ANO10: variants seen among roughly 807,000 people sequenced by gnomAD.
ANO10 encodes the protein anoctamin-10.
ANO10 carries 77 observed loss-of-function variants against 74.7 expected under a neutral mutation model. The ratio of observed to expected loss-of-function variants is 1.03; its 90% CI spans 0.86 to 1.25. ANO10 has a LOEUF of 1.25. Among genes scored for constraint, ANO10 ranks in the 50% most tolerant of loss-of-function variants. The probability of loss-of-function intolerance (pLI) is 0.00; values close to 1 mark genes in which losing one functional copy is unlikely to be tolerated. For synonymous variants in ANO10, 279 were observed against 284.9 expected, an observed-to-expected ratio of 0.98 and a Z score of 0.21; for missense variants, 721 against 778.1, an observed-to-expected ratio of 0.93 and a Z score of 0.87.
intron 9 of ANO10, among the ~76,000 whole-genome samples, chr3:43,558,553 G>A (rs897736645): frequency 6.6e-6 from 1 of 152,174 alleles, no homozygotes; most frequent in Non-Finnish European, 1.5e-5. Context: ...GTTTTCTACA[G>A]GGAGTGAGAA....
intron 4 of ANO10, among the ~76,000 whole-genome samples, chr3:43,590,158 T>C (rs1415849188): frequency 6.6e-6 from 1 of 152,240 alleles, no homozygotes; most frequent in African/African-American, 2.4e-5. Flanking sequence ...TCCTGCCATA[T>C]GTTATACAAA....
chr3:43,587,414 A>T (rs1383302351), intron 4 of ANO10, among the ~76,000 whole-genome samples: 1 of 152,136 alleles, frequency 6.6e-6, no homozygotes, highest in Non-Finnish European at 1.5e-5. Flanking sequence ...GGGAGTCCAT[A>T]TGGTGTAGGA....
intron 11 of ANO10, among the ~76,000 whole-genome samples, chr3:43,482,842 TG>T (rs1339959524): frequency 6.6e-6 from 1 of 152,076 alleles, no homozygotes; most frequent in Non-Finnish European, 1.5e-5. Context: ...TGCTCACCAC[TG>T]GGCAGGGTAC....
chr3:43,463,106 CCACA>C (rs2075456617), intron 11 of ANO10, among the ~76,000 whole-genome samples: 1 of 152,184 alleles, frequency 6.6e-6, no homozygotes, highest in African/African-American at 2.4e-5. Context: ...GTCAGAGCCC[CCACA>C]CAGAGTCTCT....
At chr3:43,480,621 G>T (rs1165366597) in intron 11 of ANO10, among the ~76,000 whole-genome samples, 2 of 152,152 alleles carry the variant, frequency 1.3e-5, no homozygotes, top group Non-Finnish European at 2.9e-5. Context: ...AAAGGAGGGG[G>T]TTACAAGAAA....
intron 12 of ANO10, among the ~76,000 whole-genome samples, chr3:43,391,209 G>A (rs1178273893): frequency 6.6e-6 from 1 of 152,168 alleles, no homozygotes; most frequent in African/African-American, 2.4e-5. Flanking sequence ...GAAAGGTGAA[G>A]TGATAATCAG....
intron 11 of ANO10, among the ~76,000 whole-genome samples, chr3:43,480,691 C>G (rs1051748444): frequency 4.6e-5 from 7 of 152,138 alleles, no homozygotes; most frequent in African/African-American, 1.7e-4. Context: ...GGACAGAAAC[C>G]CTGCAGCCAG....
At chr3:43,430,337 G>A (rs185575643) in intron 12 of ANO10, among the ~76,000 whole-genome samples, 127 of 148,104 alleles carry the variant, frequency 8.6e-4, no homozygotes, top group African/African-American at 2.9e-3. Flanking sequence ...TGATTTTTGG[G>A]TTTTGTGTCT....
chr3:43,577,104 G>A lies in ANO10; in HGVS notation c.750C>T (p.Asn250=), dbSNP rs757113016. The part of the protein sequence containing the change: ...YDKYVIFASF[N]LIWSTVILEL... ...CCAGAATCACCGTGGACCAGATGAGGTTGAACGAGGCAAAGATCACGTACT... is the reference window on the plus strand; with the variant it reads ...CCAGAATCACCGTGGACCAGATGAGATTGAACGAGGCAAAGATCACGTACT... Residue 250 remains asparagine (N), a synonymous_variant, in exon 6 of 13, where the codon AAC becomes AAT. Transcript: ENST00000292246. 3 of 1,614,188 alleles carry A rather than the reference G, an allele frequency of 1.9e-6. No homozygotes were observed. In the Admixed American group the frequency reaches 5.0e-5, roughly 27 times the overall value.
chr3:43,428,060 T>G (rs1211120632), intron 12 of ANO10, among the ~76,000 whole-genome samples: 1 of 151,838 alleles, frequency 6.6e-6, no homozygotes, highest in Non-Finnish European at 1.5e-5. Flanking sequence ...CTGAACCTTT[T>G]TTTTTTTGAG....
At chr3:43,522,345 C>A (rs571660878) in intron 11 of ANO10, among the ~76,000 whole-genome samples, 59 of 151,678 alleles carry the variant, frequency 3.9e-4, no homozygotes, top group African/African-American at 1.2e-3. Context: ...AAAAAAAGCT[C>A]TACAGCTATT....
At chr3:43,482,011 C>G (rs1199619805) in intron 11 of ANO10, among the ~76,000 whole-genome samples, 2 of 150,322 alleles carry the variant, frequency 1.3e-5, no homozygotes, top group Non-Finnish European at 3.0e-5. Context: ...TCACTGCAAC[C>G]TTCGCCTCCT....
intron 12 of ANO10, among the ~76,000 whole-genome samples, chr3:43,383,864 A>G (rs1370739095): frequency 6.6e-6 from 1 of 152,248 alleles, no homozygotes; most frequent in Non-Finnish European, 1.5e-5. Context: ...GGAACAAGAC[A>G]AGGATGCCCA....
chr3:43,442,799 C>T (rs2093180085), intron 11 of ANO10, among the ~76,000 whole-genome samples: 1 of 152,168 alleles, frequency 6.6e-6, no homozygotes, highest in Non-Finnish European at 1.5e-5. Flanking sequence ...CAAATGGGTG[C>T]AGCTGGGTGC....
intron 11 of ANO10, among the ~76,000 whole-genome samples, chr3:43,459,497 T>C (rs1418684815): frequency 6.6e-6 from 1 of 152,138 alleles, no homozygotes; most frequent in Admixed American, 6.5e-5. Context: ...CAGAAATATC[T>C]GCCAGTAGAA....
At chr3:43,690,914 T>A in intron 1 of ANO10, 2 of 1,465,560 alleles carry the variant, frequency 1.4e-6, no homozygotes, top group Non-Finnish European at 1.8e-6. Context: ...CCGCCTTAAG[T>A]GCCGCGCCAG....
At chr3:43,546,535 CT>C (rs1559678723) in intron 11 of ANO10, among the ~76,000 whole-genome samples, 1 of 152,028 alleles carries the variant, frequency 6.6e-6, no homozygotes, top group East Asian at 1.9e-4. Context: ...AAAAGACAAT[CT>C]TTTCAACAAA....
chr3:43,471,550 A>C (rs1486149200), intron 11 of ANO10, among the ~76,000 whole-genome samples: 2 of 152,196 alleles, frequency 1.3e-5, no homozygotes, highest in Non-Finnish European at 1.5e-5. Flanking sequence ...AGGTACTCCC[A>C]TATTATGATG....
At position 43,479,932 on chromosome 3, in the gene ANO10, A is replaced by T. The variant is rs575086658; in HGVS notation, c.1798-47205T>A. Among the ~76,000 whole-genome samples the T allele has an allele frequency of 9.1e-4, 139 of 152,360 alleles. 1 individual carries two copies. Among genetic ancestry groups the T allele is most frequent in the Non-Finnish European group, 1.1e-3 (74 of 68,030 alleles). On this transcript the variant is annotated intron_variant, in intron 11 of 12. Coordinates refer to ENST00000292246, the MANE Select transcript of ANO10 (RefSeq NM_018075.5). ...AACTACAGGCAGCACCAGGGGCAGTAACACAATAATGAAAACGCCTTTCCA... is the reference window on the plus strand; with the variant it reads ...AACTACAGGCAGCACCAGGGGCAGTTACACAATAATGAAAACGCCTTTCCA...
Sources: allele counts gnomAD v4.1 joint callset (sites outside exome capture counted in the v4.1 genomes callset), GRCh38; gene constraint gnomAD v4.1.1; transcripts MANE v1.5; gene names NCBI Gene and HGNC (gene_info 2026-07-23, HGNC 2026-07-21).